Variants in THRB observed in about 807,000 individuals in gnomAD.
THRB encodes nuclear receptor subfamily 1 group A member 2.
Under a neutral mutation model 47.8 loss-of-function variants are expected in THRB, and 12 were observed. The ratio of observed to expected loss-of-function variants is 0.25; its 90% CI spans 0.16 to 0.41. The LOEUF is 0.41. Among genes scored for constraint, THRB ranks in the 10% least tolerant of loss-of-function variants. The probability of loss-of-function intolerance (pLI) is 1.00; values close to 1 mark genes in which losing one functional copy is unlikely to be tolerated. For synonymous variants in THRB, 218 were observed against 212.2 expected, an observed-to-expected ratio of 1.03 and a Z score of -0.24; for missense variants, 348 against 589.2, an observed-to-expected ratio of 0.59 and a Z score of 4.24.
At chr3:24,398,399 C>T (rs1186608492) in intron 1 of THRB, among the ~76,000 whole-genome samples, 2 of 152,134 alleles carry the variant, frequency 1.3e-5, no homozygotes, top group Admixed American at 6.5e-5. Flanking sequence ...AAAACAACCC[C>T]ATCAACAAGT....
At chr3:24,155,384 G>C (rs1343422642) in intron 5 of THRB, among the ~76,000 whole-genome samples, 1 of 152,134 alleles carries the variant, frequency 6.6e-6, no homozygotes, top group Admixed American at 6.5e-5. Flanking sequence ...CCCACCCCTT[G>C]CTTTCTTTTC....
rs879645895 is a variant in THRB at position 24,201,123 on chromosome 3, A to AT, written c.23-10790dup. Among the ~76,000 whole-genome samples the AT allele has an allele frequency of 7.8e-3, 1,153 of 147,442 alleles. 16 individuals are homozygous for AT. Among genetic ancestry groups the AT allele is most frequent in the East Asian group, 0.03 (151 of 5,044 alleles). On this transcript the variant is annotated intron_variant, in intron 4 of 10. Transcript: ENST00000646209. ...ATTGCTTGGTGTAATCTATTCTATGATTTTTTTTTTTTAAGTTTAGGAAAA... is the reference window on the plus strand; with the variant it reads ...ATTGCTTGGTGTAATCTATTCTATGATTTTTTTTTTTTTAAGTTTAGGAAAA...
chr3:24,294,209 A>G (rs73148358), intron 3 of THRB, among the ~76,000 whole-genome samples: 2,893 of 152,308 alleles, frequency 0.019, 89 homozygotes, highest in African/African-American at 0.066. Context: ...AGCCCAAGCT[A>G]GCTAAACGGA....
intron 10 of THRB, among the ~76,000 whole-genome samples, chr3:24,126,723 ATG>A (rs1470624948): frequency 6.6e-6 from 1 of 152,216 alleles, no homozygotes; most frequent in East Asian, 1.9e-4. Context: ...AAAGGGTTTG[ATG>A]TGTAGTGGCT....
intron 1 of THRB, among the ~76,000 whole-genome samples, chr3:24,456,429 G>C (rs2073180602): frequency 6.6e-6 from 1 of 151,860 alleles, no homozygotes; most frequent in Non-Finnish European, 1.5e-5. Flanking sequence ...TCTTGAAAAG[G>C]CAACCAGGTT....
intron 1 of THRB, among the ~76,000 whole-genome samples, chr3:24,358,821 C>T (rs1475422464): frequency 6.6e-6 from 1 of 152,078 alleles, no homozygotes; most frequent in African/African-American, 2.4e-5. Flanking sequence ...TCAAAACATT[C>T]CCTTAATATT....
chr3:24,283,737 C>A (rs2054902527), intron 3 of THRB, among the ~76,000 whole-genome samples: 1 of 151,642 alleles, frequency 6.6e-6, no homozygotes, highest in Non-Finnish European at 1.5e-5. Context: ...TCAGCAAAGT[C>A]TCAGGATACA....
intron 5 of THRB, among the ~76,000 whole-genome samples, chr3:24,182,926 C>G (rs2042090609): frequency 6.6e-6 from 1 of 152,198 alleles, no homozygotes; most frequent in Non-Finnish European, 1.5e-5. Context: ...CTGGAATGTT[C>G]TTACCCTTTA....
At chr3:24,278,837 CATTTATTTATTTATT>C (rs2054212273) in intron 3 of THRB, among the ~76,000 whole-genome samples, 3 of 152,072 alleles carry the variant, frequency 2.0e-5, no homozygotes, top group Admixed American at 1.3e-4. Flanking sequence ...ATTTATATTA[CATTTATTTATTTATT>C]ATTTATTTTT....
intron 2 of THRB, among the ~76,000 whole-genome samples, chr3:24,325,344 TGAAA>T (rs942020876): frequency 2.0e-5 from 3 of 152,006 alleles, no homozygotes; most frequent in Non-Finnish European, 4.4e-5. Context: ...AAAACAGCAC[TGAAA>T]GAAAGTAATT....
chr3:24,138,542 C>A (rs991117482), intron 8 of THRB, among the ~76,000 whole-genome samples: 3 of 152,142 alleles, frequency 2.0e-5, no homozygotes, highest in Admixed American at 2.0e-4. Flanking sequence ...AAATAACTTG[C>A]CCAAAGAAGT....
chr3:24,447,417 GA>G (rs2072206379), intron 1 of THRB, among the ~76,000 whole-genome samples: 1 of 152,166 alleles, frequency 6.6e-6, no homozygotes, highest in Non-Finnish European at 1.5e-5. Context: ...ACCTAGGAGA[GA>G]ACTTTCTCAT....
intron 1 of THRB, among the ~76,000 whole-genome samples, chr3:24,415,148 G>A (rs913241733): frequency 1.3e-5 from 2 of 151,796 alleles, no homozygotes; most frequent in Non-Finnish European, 2.9e-5. Flanking sequence ...AAAGATTCAG[G>A]TTTGGTAAGC....
chr3:24,194,111 T>C (rs747153300), intron 4 of THRB, among the ~76,000 whole-genome samples: 1 of 152,158 alleles, frequency 6.6e-6, no homozygotes, highest in Non-Finnish European at 1.5e-5. Flanking sequence ...CATTGGACTT[T>C]GGGGACTTCA....
intron 1 of THRB, among the ~76,000 whole-genome samples, chr3:24,338,668 C>T (rs1468113064): frequency 6.6e-6 from 1 of 152,204 alleles, no homozygotes; most frequent in African/African-American, 2.4e-5. Flanking sequence ...TTTCTCTGCT[C>T]TTGACTCTGG....
intron 4 of THRB, among the ~76,000 whole-genome samples, chr3:24,199,614 A>AAAACAATC (rs1409017856): frequency 6.6e-6 from 1 of 152,244 alleles, no homozygotes; most frequent in Admixed American, 6.5e-5. Context: ...ATCCTAATGA[A>AAAACAATC]AAACAATCAT....
Position 24,121,249 on chromosome 3 carries a change from CAG to C in THRB, c.*1633_*1634del, listed in dbSNP as rs1239618712. ...CTAGAATTACAAATCTACCAGTTGA[CAG>C]AGCACGAACTAGAACTCAGGCACCC... On this transcript the variant is annotated 3_prime_UTR_variant, in exon 11 of 11. Coordinates refer to ENST00000646209, the MANE Select transcript of THRB (RefSeq NM_001354712.2). 3 of 152,544 alleles carry C rather than the reference CAG, an allele frequency of 2.0e-5. No individual in the cohort carries two copies. The highest frequency in any genetic ancestry group is 7.2e-5 in the African/African-American group (3 of 41,406). 9.4% of individuals were successfully genotyped at this position (152,544 alleles called of 1,614,324 possible). A position where few individuals can be genotyped will look rare whatever the true frequency, so the allele number is the denominator to read the frequency against.
intron 1 of THRB, among the ~76,000 whole-genome samples, chr3:24,491,613 A>T (rs1698153254): frequency 6.6e-6 from 1 of 152,172 alleles, no homozygotes; most frequent in South Asian, 2.1e-4. Context: ...GATCCTGACC[A>T]TTACATTTTG....
intron 4 of THRB, among the ~76,000 whole-genome samples, chr3:24,209,968 G>C (rs2045847207): frequency 6.6e-6 from 1 of 152,330 alleles, no homozygotes; most frequent in South Asian, 2.1e-4. Flanking sequence ...TATTCTGTTT[G>C]TTCTGATACG....
Sources: gnomAD v4.1 joint callset for allele counts (sites outside exome capture counted in the v4.1 genomes callset) on GRCh38, gnomAD v4.1.1 for gene constraint, MANE v1.5 for transcripts, NCBI Gene and HGNC (gene_info 2026-07-23, HGNC 2026-07-21) for gene names.